The following PEX26 variants were observed in gnomAD, a reference collection of about 807,000 sequenced individuals.
PEX26 encodes the protein peroxisome assembly protein 26.
Under a neutral mutation model 31.4 loss-of-function variants are expected in PEX26, and 18 were observed. That is an observed-to-expected ratio of 0.57 (90% CI 0.40 to 0.85). PEX26 has a LOEUF of 0.85. PEX26 is among the 40% of genes least tolerant of loss of function. PEX26 has a pLI of 0.00. For synonymous variants in PEX26, 176 were observed against 166.9 expected (o/e 1.05, Z -0.42); for missense variants, 377 against 383.9 (o/e 0.98, Z 0.15).
rs1230459596 is a variant in PEX26, at chr22:18,091,649, AC to A, written c.*3575del. 1 of 152,282 alleles carries A rather than the reference AC, an allele frequency of 6.6e-6. No homozygotes were observed. Among genetic ancestry groups the A allele is most frequent in the Non-Finnish European group, 1.5e-5 (1 of 68,112 alleles). The allele number at this position is 152,282 out of a possible 1,614,324, so 9.4% of individuals were successfully genotyped here. On this transcript the variant is annotated 3_prime_UTR_variant, in exon 5 of 5. Coordinates refer to ENST00000399744, the MANE Select transcript of PEX26 (RefSeq NM_001127649.3). ...AGTGAAACTTGGTCTCAGAAACGAAACAAAACACAAAAACCTTTCTCAGTCC... is the reference window on the plus strand; with the variant it reads ...AGTGAAACTTGGTCTCAGAAACGAAAAAAACACAAAAACCTTTCTCAGTCC...
Position 18,090,301 on chromosome 22 carries a change from A to G in PEX26, c.*2226A>G, listed in dbSNP as rs190472991. 3.3e-5 allele frequency: 5 copies of G among 152,292 alleles called. No homozygotes were observed. The highest frequency in any genetic ancestry group is 6.5e-5 in the Admixed American group (1 of 15,294). 9.4% of individuals were successfully genotyped at this position (152,292 alleles called of 1,614,324 possible). A position where few individuals can be genotyped will look rare whatever the true frequency, so the allele number is the denominator to read the frequency against. ...ATTCTTCATGGAATTGAAGGCCCCTATGTGCTGGTTTTGGCTAAGATCTCC... is the reference window on the plus strand; with the variant it reads ...ATTCTTCATGGAATTGAAGGCCCCTGTGTGCTGGTTTTGGCTAAGATCTCC... On this transcript the variant is annotated 3_prime_UTR_variant, in exon 5 of 5. Coordinates refer to ENST00000399744, the MANE Select transcript of PEX26 (RefSeq NM_001127649.3).
At chr22:18,084,960 A>G in intron 3 of PEX26, 152 bp from the exon 4 acceptor site, 1 of 719,808 alleles carries the variant, frequency 1.4e-6, no homozygotes, top group Non-Finnish European at 2.4e-6. Context: ...TGACCTTGTG[A>G]TCCACCTGCC....
At position 18,102,053 on chromosome 22, in the gene PEX26, TAAAA is replaced by T. The variant is rs1380464092; in HGVS notation, c.*13979_*13982del. 1 of 152,234 alleles carries T rather than the reference TAAAA, an allele frequency of 6.6e-6. No homozygotes were observed. Among genetic ancestry groups the T allele is most frequent in the Non-Finnish European group, 1.5e-5 (1 of 68,078 alleles). The allele number at this position is 152,234 out of a possible 1,614,324, so 9.4% of individuals were successfully genotyped here. A position where few individuals can be genotyped will look rare whatever the true frequency, so the allele number is the denominator to read the frequency against. ...TTTGCAATTTCACAAGGAAAATCAC[TAAAA>T]TGTGCGTCTCTTCATTTAAAAGAAA... is the stretch of plus-strand genomic sequence containing the variant. On this transcript the variant is annotated 3_prime_UTR_variant, in exon 5 of 5. Transcript: ENST00000399744.
At position 18,093,105 on chromosome 22, in the gene PEX26, AGTTT is replaced by A. The variant is rs1366666594; in HGVS notation, c.*5035_*5038del. ...AACCCTTCAATAAGAGCAAAGCAGG[AGTTT>A]GTTTTTTCTTTGTGCAGATACATAC... On this transcript the variant is annotated 3_prime_UTR_variant, in exon 5 of 5. Coordinates refer to ENST00000399744, the MANE Select transcript of PEX26 (RefSeq NM_001127649.3). 1 of 152,156 alleles carries A rather than the reference AGTTT, an allele frequency of 6.6e-6. No homozygotes were observed. Among genetic ancestry groups the A allele is most frequent in the African/African-American group, 2.4e-5 (1 of 41,444 alleles). The allele number at this position is 152,156 out of a possible 1,614,324, so 9.4% of individuals were successfully genotyped here. A position where few individuals can be genotyped will look rare whatever the true frequency, so the allele number is the denominator to read the frequency against.
rs144605072 is a variant in PEX26 at position 18,096,723 on chromosome 22, T to C, written c.*8648T>C. ...GTGAGCCACCACGCCCGGCCGGCTC[T>C]GATTTCTTAAAGTGCTAAGCCTTTT... is the stretch of plus-strand genomic sequence containing the variant. On this transcript the variant is annotated 3_prime_UTR_variant, in exon 5 of 5. Transcript: ENST00000399744. The C allele has an allele frequency of 2.0e-5, 3 of 152,244 alleles. No individual in the cohort carries two copies. Among genetic ancestry groups the C allele is most frequent in the African/African-American group, 7.2e-5 (3 of 41,448 alleles). The allele number at this position is 152,244 out of a possible 1,614,324, so 9.4% of individuals were successfully genotyped here.
At chr22:18,087,855 A>G in intron 4 of PEX26, 117 bp from the exon 5 acceptor site, 1 of 790,570 alleles carries the variant, frequency 1.3e-6, no homozygotes, top group South Asian at 1.3e-5. Flanking sequence ...TGTCTCTAAA[A>G]AAAACAAAAC....
At chr22:18,080,633 A>C (rs1308061927) in intron 2 of PEX26, among the ~76,000 whole-genome samples, 1 of 152,182 alleles carries the variant, frequency 6.6e-6, no homozygotes, top group Non-Finnish European at 1.5e-5. Context: ...CCTGGCCAAA[A>C]AATAACAAAG....
rs2123670212 is a variant in PEX26, at chr22:18,092,856, A to G, written c.*4781A>G. The G allele has an allele frequency of 6.6e-6, 1 of 151,174 alleles. No individual in the cohort carries two copies. The highest frequency in any genetic ancestry group is 1.5e-5 in the Non-Finnish European group (1 of 67,878). The allele number at this position is 151,174 out of a possible 1,614,324, so 9.4% of individuals were successfully genotyped here. On this transcript the variant is annotated 3_prime_UTR_variant, in exon 5 of 5. Coordinates refer to ENST00000399744, the MANE Select transcript of PEX26 (RefSeq NM_001127649.3). ...GGGTGGGTTATAAAAGCCCTTTTATAAAGCCAATTTTAAACAAGAAAAAAA... is the reference window on the plus strand; with the variant it reads ...GGGTGGGTTATAAAAGCCCTTTTATGAAGCCAATTTTAAACAAGAAAAAAA...
intron 2 of PEX26, 110 bp downstream of exon 2, chr22:18,080,124 G>A (rs1926496059): frequency 3.4e-6 from 4 of 1,171,100 alleles, no homozygotes; most frequent in African/African-American, 1.5e-5. Context: ...CTCCAGATCG[G>A]ATTCTTTCCC....
Position 18,096,669 on chromosome 22 carries a change from CG to C in PEX26, c.*8596del, listed in dbSNP as rs1205597787. ...TCCTGACCTTGTGATCTGCCCACCT[CG>C]GCCTCCCAAAGTGCTGGGATTACAG... On this transcript the variant is annotated 3_prime_UTR_variant, in exon 5 of 5. Coordinates refer to ENST00000399744, the MANE Select transcript of PEX26 (RefSeq NM_001127649.3). 1 of 151,986 alleles carries C rather than the reference CG, an allele frequency of 6.6e-6. No individual in the cohort carries two copies. Among genetic ancestry groups the C allele is most frequent in the Non-Finnish European group, 1.5e-5 (1 of 68,016 alleles). 9.4% of individuals were successfully genotyped at this position (151,986 alleles called of 1,614,324 possible).
In PEX26 at chr22:18,080,077, C is replaced by T. The variant is rs568242334; in HGVS notation, c.371+63C>T. On this transcript the variant is annotated intron_variant, in intron 2 of 4. Coordinates refer to ENST00000399744, the MANE Select transcript of PEX26 (RefSeq NM_001127649.3). Reference sequence around the variant, plus strand: ...AACGAGAGGATTTTCATCTCCTCTCCTAAATACCTACTCTTTTCCCCTTCC... The same window carrying T: ...AACGAGAGGATTTTCATCTCCTCTCTTAAATACCTACTCTTTTCCCCTTCC... The T allele has an allele frequency of 3.7e-5, 57 of 1,527,326 alleles. 2 individuals are homozygous for T. In the South Asian group the frequency reaches 6.5e-4, roughly 17 times the overall value. 94.6% of individuals were successfully genotyped at this position (1,527,326 alleles called of 1,614,324 possible).
In PEX26 at chr22:18,100,092, TG is replaced by T. The variant is rs1193355620; in HGVS notation, c.*12018del. 2.0e-5 allele frequency: 3 copies of T among 152,196 alleles called. No homozygotes were observed. The highest frequency in any genetic ancestry group is 7.2e-5 in the African/African-American group (3 of 41,442). The allele number at this position is 152,196 out of a possible 1,614,324, so 9.4% of individuals were successfully genotyped here. A position where few individuals can be genotyped will look rare whatever the true frequency, so the allele number is the denominator to read the frequency against. On this transcript the variant is annotated 3_prime_UTR_variant, in exon 5 of 5. Coordinates refer to ENST00000399744, the MANE Select transcript of PEX26 (RefSeq NM_001127649.3). ...TCTTTCTATTTATTGTTATTATTTT[TG>T]AGATAGAGTTTCAATCTTGTTGCCC...
chr22:18,087,297 A>G (rs548318587), intron 4 of PEX26, among the ~76,000 whole-genome samples: 5 of 152,066 alleles, frequency 3.3e-5, no homozygotes, highest in African/African-American at 9.6e-5. Context: ...CTGGTCTCCA[A>G]CTTCTGGCCT....
chr22:18,087,959 C>A lies in PEX26; in HGVS notation c.815-13C>A. 1 of 1,577,818 alleles carries A rather than the reference C, an allele frequency of 6.3e-7. No homozygotes were observed. Among genetic ancestry groups the A allele is most frequent in the Non-Finnish European group, 8.7e-7 (1 of 1,147,188 alleles). ...GGGTGGGACGTTCACTGTAGTCTCCCTCTGCCCTGCAGCTTCCCCTTCCTC... is the reference window on the plus strand; with the variant it reads ...GGGTGGGACGTTCACTGTAGTCTCCATCTGCCCTGCAGCTTCCCCTTCCTC... On this transcript the variant is annotated splice_polypyrimidine_tract_variant and intron_variant, in intron 4 of 4. Coordinates refer to ENST00000399744, the MANE Select transcript of PEX26 (RefSeq NM_001127649.3).
At chr22:18,082,230 C>T (rs369843563) in intron 2 of PEX26, among the ~76,000 whole-genome samples, 7 of 151,976 alleles carry the variant, frequency 4.6e-5, no homozygotes, top group East Asian at 1.9e-4. Context: ...TTTCATTTGT[C>T]CATTTTTGCT....
Position 18,078,722 on chromosome 22 carries a change from A to G in PEX26, c.230+116A>G, listed in dbSNP as rs1367491016. The G allele has an allele frequency of 9.6e-6, 9 of 937,450 alleles. No individual in the cohort carries two copies. The East Asian group carries it at 2.1e-4, about 22-fold the overall frequency. The allele number at this position is 937,450 out of a possible 1,614,324, so 58.1% of individuals were successfully genotyped here. On this transcript the variant is annotated intron_variant, in intron 1 of 4. Transcript: ENST00000399744. ...ACAAGGAGCTTTACACCTCGCTTTCATCAGTGGTTTGTCTCCGAGAGGGTG... is the reference window on the plus strand; with the variant it reads ...ACAAGGAGCTTTACACCTCGCTTTCGTCAGTGGTTTGTCTCCGAGAGGGTG...
Position 18,104,706 on chromosome 22 carries a change from C to T in PEX26, c.*16631C>T, listed in dbSNP as rs468937. ...CACTGCCTCTTGTTCTCACTGCCTC[C>T]TGTTCTCACTGCCTCCTGTTTCTGC... On this transcript the variant is annotated 3_prime_UTR_variant, in exon 5 of 5. Coordinates refer to ENST00000399744, the MANE Select transcript of PEX26 (RefSeq NM_001127649.3). The T allele has an allele frequency of 7.8e-5, 12 of 152,886 alleles. No individual in the cohort carries two copies. The East Asian group carries it at 1.9e-3, about 25-fold the overall frequency. 9.5% of individuals were successfully genotyped at this position (152,886 alleles called of 1,614,324 possible). A position where few individuals can be genotyped will look rare whatever the true frequency, so the allele number is the denominator to read the frequency against.
intron 4 of PEX26, among the ~76,000 whole-genome samples, chr22:18,086,784 G>A (rs1926858747): frequency 6.6e-6 from 1 of 152,046 alleles, no homozygotes. Context: ...CCTTCAAATG[G>A]TTTGTCTATT....
In PEX26 at chr22:18,085,228, C is replaced by A; in HGVS notation, c.784C>A (p.Leu262Ile). 1 of 1,614,106 alleles carries A rather than the reference C, an allele frequency of 6.2e-7. No individual in the cohort carries two copies. Among genetic ancestry groups the A allele is most frequent in the Non-Finnish European group, 8.5e-7 (1 of 1,180,014 alleles). ...FKKSLLAALILCLLVVRFDPA... is the reference protein window; with the variant it reads ...FKKSLLAALIICLLVVRFDPA... ...AAAGAGTCTCCTGGCTGCCTTGATC[C>A]TCTGTCTCCTGGTGGTGAGATTTGA... The change falls in exon 4 of 5, where the codon CTC (leucine) becomes ATC (isoleucine). Residue 262 changes from leucine to isoleucine, a missense_variant. Leu to Ile is a conservative substitution (Grantham distance 5). Coordinates refer to ENST00000399744, the MANE Select transcript of PEX26 (RefSeq NM_001127649.3).
Sources: gnomAD v4.1 joint callset for allele counts (sites outside exome capture counted in the v4.1 genomes callset) on GRCh38, gnomAD v4.1.1 for gene constraint, MANE v1.5 for transcripts, NCBI Gene and HGNC (gene_info 2026-07-23, HGNC 2026-07-21) for gene names.